SLC16A9: variants seen among roughly 807,000 people sequenced by gnomAD.
SLC16A9 encodes the protein solute carrier family 16 member 9.
Under a neutral mutation model 44.3 loss-of-function variants are expected in SLC16A9, and 26 were observed. The observed-to-expected ratio is 0.59, with a 90% CI of 0.43 to 0.81. The LOEUF (loss-of-function observed/expected upper bound fraction) is 0.81, where lower values mean the gene tolerates loss of function less well. Among genes scored for constraint, SLC16A9 ranks in the 40% least tolerant of loss-of-function variants. SLC16A9 has a pLI of 0.00. For missense variants in SLC16A9, 559 were observed against 595.8 expected, an observed-to-expected ratio of 0.94 and a Z score of 0.64; for synonymous variants, 230 against 225.1, an observed-to-expected ratio of 1.02 and a Z score of -0.19.
At chr10:59,680,181 G>T (rs1839956615) in intron 2 of SLC16A9, among the ~76,000 whole-genome samples, 1 of 152,076 alleles carries the variant, frequency 6.6e-6, no homozygotes, top group Non-Finnish European at 1.5e-5. Flanking sequence ...GGATTATCTG[G>T]ACAAACAAAG....
rs371341354 is a variant in SLC16A9 at position 59,654,072 on chromosome 10, G to T, written c.954C>A (p.Ile318=). 1.9e-6 allele frequency: 3 copies of T among 1,613,912 alleles called. No homozygotes were observed. The highest frequency in any genetic ancestry group is 1.3e-5 in the African/African-American group (1 of 74,890). ...TAAGTAATGAAGGTGGAAACCCTCC[G>T]ATGTCAAAGAGTAAGATAGCAATGA... is the stretch of plus-strand genomic sequence containing the variant. ...ALFIAILLFD[I]GGFPPSLLME... is the part of the protein sequence containing the mutation. Residue 318 remains isoleucine, a synonymous_variant, in exon 5 of 6, where the codon ATC becomes ATA. Transcript: ENST00000395348.
intron 1 of SLC16A9, among the ~76,000 whole-genome samples, chr10:59,692,536 T>C (rs2132516647): frequency 6.6e-6 from 1 of 152,372 alleles, no homozygotes; most frequent in South Asian, 2.1e-4. Context: ...ACATATTAAA[T>C]GGATCAGTTT....
chr10:59,704,694 A>C (rs1446844963), intron 1 of SLC16A9, among the ~76,000 whole-genome samples: 1 of 152,236 alleles, frequency 6.6e-6, no homozygotes, highest in Admixed American at 6.5e-5. Context: ...TACCAGGGTC[A>C]CTGGACTGCC....
At chr10:59,701,122 T>G (rs573306484) in intron 1 of SLC16A9, among the ~76,000 whole-genome samples, 1 of 152,316 alleles carries the variant, frequency 6.6e-6, no homozygotes, top group South Asian at 2.1e-4. Context: ...CCTGGAAAAC[T>G]GTCATGACCG....
intron 3 of SLC16A9, among the ~76,000 whole-genome samples, chr10:59,665,773 G>A (rs1282367187): frequency 2.6e-5 from 4 of 152,080 alleles, no homozygotes; most frequent in African/African-American, 4.8e-5. Context: ...CCGTGATTTC[G>A]TTGTCAGAGC....
intron 5 of SLC16A9, 112 bp downstream of exon 5, chr10:59,653,563 T>G (rs1210595849): frequency 3.6e-6 from 3 of 837,310 alleles, no homozygotes; most frequent in African/African-American, 1.7e-5. Context: ...AGATGTTCCA[T>G]GCAGATTTCT....
chr10:59,674,699 G>T (rs1839822421), intron 2 of SLC16A9, among the ~76,000 whole-genome samples: 1 of 152,156 alleles, frequency 6.6e-6, no homozygotes, highest in African/African-American at 2.4e-5. Flanking sequence ...CATTGACATT[G>T]AGTTTCAGTG....
intron 4 of SLC16A9, among the ~76,000 whole-genome samples, chr10:59,657,806 T>A (rs141272422): frequency 6.6e-6 from 1 of 152,280 alleles, no homozygotes; most frequent in African/African-American, 2.4e-5. Flanking sequence ...GGGTACTATT[T>A]GTAAATCAAA....
intron 1 of SLC16A9, among the ~76,000 whole-genome samples, chr10:59,703,868 G>A (rs977901560): frequency 1.3e-5 from 2 of 151,926 alleles, no homozygotes; most frequent in African/African-American, 4.8e-5. Flanking sequence ...ACAGGTGCCC[G>A]CCACCATGCC....
In SLC16A9 at chr10:59,652,941, T is replaced by C. The variant is rs1341444865; in HGVS notation, c.1361A>G (p.Tyr454Cys). The change falls in exon 6 of 6, where the codon TAT becomes TGT. Residue 454 changes from tyrosine to cysteine, a missense_variant. Physicochemically the swap from Tyr to Cys is radical, Grantham distance 194. Transcript: ENST00000395348. ...SLGPPIVGWFYDWTQTYDIAF... is the reference protein window; with the variant it reads ...SLGPPIVGWFCDWTQTYDIAF... ...AATATCATAGGTCTGGGTCCAGTCA[T>C]AAAACCAACCTGAAAAGGCAGTAAG... is the stretch of plus-strand genomic sequence containing the variant. The C allele has an allele frequency of 1.8e-5, 29 of 1,601,038 alleles. No individual in the cohort carries two copies. The highest frequency in any genetic ancestry group is 2.5e-5 in the Non-Finnish European group (29 of 1,175,918).
chr10:59,701,669 C>T (rs1271912111), intron 1 of SLC16A9, among the ~76,000 whole-genome samples: 1 of 152,166 alleles, frequency 6.6e-6, no homozygotes, highest in Non-Finnish European at 1.5e-5. Flanking sequence ...AGCCAGTTAC[C>T]TGATTCTTTC....
At position 59,684,324 on chromosome 10, in the gene SLC16A9, G is replaced by C. The variant is rs899066102; in HGVS notation, c.-33C>G. On this transcript the variant is annotated 5_prime_UTR_variant, in exon 2 of 6. Transcript: ENST00000395348. The stretch of plus-strand genomic sequence containing the variant: ...CAAAATCAGGAGGCGTTTCTCTGCA[G>C]GTCCTAAACAAAAACAAACAGAAAA... 2.5e-6 allele frequency: 4 copies of C among 1,579,260 alleles called. No individual in the cohort carries two copies. The African/African-American group carries it at 5.4e-5, about 21-fold the overall frequency.
rs187253343 is a variant in SLC16A9 at position 59,709,052 on chromosome 10, G to C, written c.-37+427C>G. Among the ~76,000 whole-genome samples, 636 of 152,292 alleles carry C rather than the reference G, an allele frequency of 4.2e-3. 4 individuals are homozygous for C. The highest frequency in any genetic ancestry group is 0.014 in the African/African-American group (593 of 41,566). On this transcript the variant is annotated intron_variant, in intron 1 of 5. Coordinates refer to ENST00000395348, the MANE Select transcript of SLC16A9 (RefSeq NM_194298.3). ...CTGGTTGCTCGCGCTCCGGACCAAG[G>C]CAGTTGGAGGCCTTTCGGTCCTCTG...
At position 59,682,431 on chromosome 10, in the gene SLC16A9, C is replaced by T. The variant is rs558967019; in HGVS notation, c.196+1665G>A. 3.1e-4 allele frequency among the ~76,000 whole-genome samples: 47 copies of T among 152,286 alleles called. No individual in the cohort carries two copies. In the East Asian group the frequency reaches 7.3e-3, roughly 24 times the overall value. On this transcript the variant is annotated intron_variant, in intron 2 of 5. Transcript: ENST00000395348. ...ATCATCCACCTAGAAACTTGGAAAACGTGTAGAGCTGCAGTTGAATTGTCA... is the reference window on the plus strand; with the variant it reads ...ATCATCCACCTAGAAACTTGGAAAATGTGTAGAGCTGCAGTTGAATTGTCA...
rs538673518 is a variant in SLC16A9, at chr10:59,675,642, C to CGACCTTCCTCTAA, written c.197-2730_197-2729insTTAGAGGAAGGTC. Among the ~76,000 whole-genome samples the CGACCTTCCTCTAA allele has an allele frequency of 5.1e-3, 773 of 152,220 alleles. 7 individuals are homozygous for CGACCTTCCTCTAA. Among genetic ancestry groups the CGACCTTCCTCTAA allele is most frequent in the African/African-American group, 0.018 (743 of 41,520 alleles). On this transcript the variant is annotated intron_variant, in intron 2 of 5. Transcript: ENST00000395348. Reference sequence around the variant, plus strand: ...ACTAAGAGGCAAAATGGTGGATGTACGACCTTCCTCTGGGGGCATTTGACT... The same window carrying CGACCTTCCTCTAA: ...ACTAAGAGGCAAAATGGTGGATGTACGACCTTCCTCTAAGACCTTCCTCTGGGGGCATTTGACT...
rs80248123 is a variant in SLC16A9 at position 59,675,179 on chromosome 10, G to A, written c.197-2266C>T. On this transcript the variant is annotated intron_variant, in intron 2 of 5. Transcript: ENST00000395348. ...AGCTGAAATTTTGGAAGTTGAAAACGGTCTAAACACCTCAATTTAAAAATG... is the reference window on the plus strand; with the variant it reads ...AGCTGAAATTTTGGAAGTTGAAAACAGTCTAAACACCTCAATTTAAAAATG... 4.9e-3 allele frequency among the ~76,000 whole-genome samples: 748 copies of A among 152,144 alleles called. 8 individuals are homozygous for A. The highest frequency in any genetic ancestry group is 0.015 in the East Asian group (76 of 5,182).
intron 3 of SLC16A9, among the ~76,000 whole-genome samples, chr10:59,665,180 T>C (rs1363396212): frequency 6.6e-6 from 1 of 152,202 alleles, no homozygotes; most frequent in Non-Finnish European, 1.5e-5. Context: ...ACAACCCCAG[T>C]TTGTTTTTCA....
At chr10:59,675,039 C>T (rs1278564733) in intron 2 of SLC16A9, among the ~76,000 whole-genome samples, 1 of 152,108 alleles carries the variant, frequency 6.6e-6, no homozygotes, top group Non-Finnish European at 1.5e-5. Context: ...AATTCTCTTA[C>T]AGTGGAAACA....
At chr10:59,688,784 T>A (rs569930055) in intron 1 of SLC16A9, among the ~76,000 whole-genome samples, 1 of 151,260 alleles carries the variant, frequency 6.6e-6, no homozygotes, top group African/African-American at 2.4e-5. Context: ...TTCATTCAAA[T>A]GCTCCAATCA....
Sources: allele counts gnomAD v4.1 joint callset (sites outside exome capture counted in the v4.1 genomes callset), GRCh38; gene constraint gnomAD v4.1.1; transcripts MANE v1.5; gene names NCBI Gene and HGNC (gene_info 2026-07-23, HGNC 2026-07-21).